ASTN2: variants seen among roughly 807,000 people sequenced by gnomAD.
The protein encoded by ASTN2 is astrotactin-2.
A neutral mutation model predicts 139.8 loss-of-function variants in ASTN2; 54 were observed. That is an observed-to-expected ratio of 0.39 (90% confidence interval 0.31 to 0.48). The LOEUF is 0.48. Ranked by LOEUF, ASTN2 falls within the 20% of genes least tolerant of loss-of-function variation. ASTN2 has a pLI of 0.95. For missense variants in ASTN2, 1,565 were observed against 1,725.1 expected, an observed-to-expected ratio of 0.91 and a Z score of 1.64; for synonymous variants, 756 against 719.5, an observed-to-expected ratio of 1.05 and a Z score of -0.81.
At chr9:116,714,002 A>G (rs1451410121) in intron 16 of ASTN2, among the ~76,000 whole-genome samples, 1 of 152,208 alleles carries the variant, frequency 6.6e-6, no homozygotes, top group Non-Finnish European at 1.5e-5. Flanking sequence ...TGGACCTCAC[A>G]GGGTTGTTAT....
At chr9:117,101,397 C>T (rs1316747798) in intron 4 of ASTN2, among the ~76,000 whole-genome samples, 1 of 152,150 alleles carries the variant, frequency 6.6e-6, no homozygotes, top group African/African-American at 2.4e-5. Context: ...TCCCGTACTT[C>T]CATTTAGGGG....
At chr9:117,326,990 AT>A (rs1828538173) in intron 1 of ASTN2, among the ~76,000 whole-genome samples, 1 of 152,028 alleles carries the variant, frequency 6.6e-6, no homozygotes, top group South Asian at 2.1e-4. Context: ...ATGAAAGACA[AT>A]TTTTCCACAG....
intron 19 of ASTN2, among the ~76,000 whole-genome samples, chr9:116,530,100 T>G (rs1347553041): frequency 2.8e-4 from 4 of 14,350 alleles, no homozygotes; most frequent in East Asian, 2.6e-3. Flanking sequence ...GTGTGATATA[T>G]ATATATATAT....
chr9:117,147,853 C>T (rs1332039931), intron 3 of ASTN2, among the ~76,000 whole-genome samples: 3 of 152,154 alleles, frequency 2.0e-5, no homozygotes, highest in Non-Finnish European at 4.4e-5. Flanking sequence ...TCTGTTGCTG[C>T]ACTCTATAAG....
Position 116,805,631 on chromosome 9 carries a change from C to A in ASTN2, c.2396+1G>T, listed in dbSNP as rs1179684628. 6.2e-7 allele frequency: 1 copy of A among 1,613,412 alleles called. No homozygotes were observed. Among genetic ancestry groups the A allele is most frequent in the Admixed American group, 1.7e-5 (1 of 59,970 alleles). On this transcript the variant is annotated splice_donor_variant, in intron 13 of 22. Coordinates refer to ENST00000313400, the MANE Select transcript of ASTN2 (RefSeq NM_001365068.1). LOFTEE classifies it high-confidence loss of function. ...GCAATGTGCAAGTATCTACAGCATA[C>A]CTAAAGGTCATCTGGAAGACTTGGC...
In ASTN2 at chr9:117,214,495, T is replaced by G. The variant is rs774912586; in HGVS notation, c.878A>C (p.Tyr293Ser). The change falls in exon 3 of 23, where the codon TAT becomes TCT. Residue 293 changes from tyrosine (Y) to serine (S), a missense_variant. Transcript: ENST00000313400. ...TGGCTCCTCATCCTCCTCACAGTCA[T>G]AGTCATCCAGGATGGGAGTCTCCCG... is the stretch of plus-strand genomic sequence containing the variant. ...PIRETPILDDYDCEEDEEPPR... is the reference protein window; with the variant it reads ...PIRETPILDDSDCEEDEEPPR... The G allele has an allele frequency of 6.2e-7, 1 of 1,614,212 alleles. No homozygotes were observed. Among genetic ancestry groups the G allele is most frequent in the Non-Finnish European group, 8.5e-7 (1 of 1,180,028 alleles).
At chr9:117,291,987 G>A (rs189516561) in intron 1 of ASTN2, among the ~76,000 whole-genome samples, 1 of 152,298 alleles carries the variant, frequency 6.6e-6, no homozygotes, top group East Asian at 1.9e-4. Flanking sequence ...CACCAACTCA[G>A]CTGAGGTAGC....
At chr9:116,942,094 A>C (rs10983422) in intron 10 of ASTN2, among the ~76,000 whole-genome samples, 2 of 146,412 alleles carry the variant, frequency 1.4e-5, no homozygotes, top group Non-Finnish European at 3.0e-5. Context: ...ACGCACGCAC[A>C]CACACACACA....
At chr9:116,463,279 G>C (rs1848548427) in intron 20 of ASTN2, among the ~76,000 whole-genome samples, 1 of 151,998 alleles carries the variant, frequency 6.6e-6, no homozygotes. Flanking sequence ...ACTTCTCCAA[G>C]GGTCTTTTTC....
At chr9:117,358,291 CACACAT>C (rs1158070819) in intron 1 of ASTN2, among the ~76,000 whole-genome samples, 4 of 128,258 alleles carry the variant, frequency 3.1e-5, no homozygotes, top group Admixed American at 8.0e-5. Context: ...CACACACACA[CACACAT>C]ACACATCCAC....
At chr9:116,516,262 T>C (rs1454398135) in intron 19 of ASTN2, among the ~76,000 whole-genome samples, 1 of 152,140 alleles carries the variant, frequency 6.6e-6, no homozygotes, top group Non-Finnish European at 1.5e-5. Flanking sequence ...GCTCAGGATA[T>C]AGGTACAATG....
intron 7 of ASTN2, among the ~76,000 whole-genome samples, chr9:116,989,620 G>A (rs1017882402): frequency 3.4e-5 from 3 of 89,332 alleles, no homozygotes; most frequent in African/African-American, 1.3e-4. Context: ...TTTTGCTTTT[G>A]TCACCCAGAT....
chr9:116,710,878 C>T (rs1414720549), intron 16 of ASTN2, among the ~76,000 whole-genome samples: 7 of 152,024 alleles, frequency 4.6e-5, no homozygotes, highest in Non-Finnish European at 7.4e-5. Context: ...CTAAATCTCT[C>T]AGACCCCAAG....
chr9:117,096,714 G>A (rs1398377320), intron 4 of ASTN2, among the ~76,000 whole-genome samples: 1 of 152,144 alleles, frequency 6.6e-6, no homozygotes, highest in Non-Finnish European at 1.5e-5. Context: ...CATGGCTTCT[G>A]TTTACCACTC....
At chr9:117,341,468 G>T (rs1012175126) in intron 1 of ASTN2, among the ~76,000 whole-genome samples, 1 of 152,076 alleles carries the variant, frequency 6.6e-6, no homozygotes, top group African/African-American at 2.4e-5. Context: ...AGGAGAAAGG[G>T]ATAATAATAA....
intron 6 of ASTN2, among the ~76,000 whole-genome samples, chr9:117,024,119 T>C (rs1202271857): frequency 1.3e-5 from 2 of 152,132 alleles, no homozygotes; most frequent in East Asian, 3.9e-4. Context: ...GGACAATGAA[T>C]CTGTCCAAGC....
At chr9:116,449,447 T>C (rs1418533795) in intron 20 of ASTN2, among the ~76,000 whole-genome samples, 1 of 152,138 alleles carries the variant, frequency 6.6e-6, no homozygotes, top group African/African-American at 2.4e-5. Context: ...TATGATAATA[T>C]TATCTATCTC....
Position 116,982,169 on chromosome 9 carries a change from G to C in ASTN2, c.1592-5384C>G, listed in dbSNP as rs141694191. Among the ~76,000 whole-genome samples the C allele has an allele frequency of 7.5e-4, 114 of 152,306 alleles. 1 individual carries two copies. The highest frequency in any genetic ancestry group is 2.6e-3 in the African/African-American group (109 of 41,580). On this transcript the variant is annotated intron_variant, in intron 7 of 22. Transcript: ENST00000313400. ...GCTGGTGAAATAGTTCAGAGTGTGG[G>C]TGGGCCTTGAAATCATCATGTACTG...
chr9:117,016,630 ATATATATATATATATATATATATATAACC>A (rs1564385906), intron 6 of ASTN2, among the ~76,000 whole-genome samples: 11 of 16,080 alleles, frequency 6.8e-4, no homozygotes, highest in African/African-American at 2.1e-3. Context: ...CTATCTATAT[ATATATATATATATATATATATATATAACC>A]TATATATATG....
Sources: allele counts gnomAD v4.1 joint callset (sites outside exome capture counted in the v4.1 genomes callset), GRCh38; gene constraint gnomAD v4.1.1; transcripts MANE v1.5; gene names NCBI Gene and HGNC (gene_info 2026-07-23, HGNC 2026-07-21).